The following ST7L variants were observed in gnomAD, a reference collection of about 807,000 sequenced individuals.
ST7L encodes suppression of tumorigenicity 7 like, also known as suppressor of tumorigenicity 7 protein-like.
In ST7L, 57 loss-of-function variants were observed where a neutral mutation model predicts 72.5. That is an observed-to-expected ratio of 0.79 (90% CI 0.64 to 0.98). The LOEUF (loss-of-function observed/expected upper bound fraction) is 0.98. Among genes scored for constraint, ST7L ranks in the 50% least tolerant of loss-of-function variants. The pLI, the probability that ST7L is intolerant of heterozygous loss-of-function variation, is 0.00. For synonymous variants in ST7L, 221 were observed against 240.9 expected (o/e 0.92, Z 0.77); for missense variants, 576 against 672.2 (o/e 0.86, Z 1.58).
downstream of ST7L, among the ~76,000 whole-genome samples, chr1:112,519,267 GTATAT>G (rs1320459660): frequency 6.6e-6 from 1 of 152,154 alleles, no homozygotes; most frequent in Non-Finnish European, 1.5e-5. Context: ...ATATGAATAT[GTATAT>G]TATAAAACGT....
intron 2 of ST7L, among the ~76,000 whole-genome samples, chr1:112,612,586 G>A (rs1558062103): frequency 6.6e-6 from 1 of 151,996 alleles, no homozygotes; most frequent in East Asian, 1.9e-4. Flanking sequence ...AACGTTTATA[G>A]GAAAGTGTGA....
intron 11 of ST7L, among the ~76,000 whole-genome samples, chr1:112,556,745 A>G (rs949924977): frequency 6.6e-6 from 1 of 152,064 alleles, no homozygotes; most frequent in Non-Finnish European, 1.5e-5. Flanking sequence ...TGAGAGGCCA[A>G]AATCGTGAGG....
At chr1:112,618,776 G>A (rs1670363898) in intron 1 of ST7L, 133 bp downstream of exon 1, 1 of 1,444,506 alleles carries the variant, frequency 6.9e-7, no homozygotes, top group Non-Finnish European at 9.1e-7. Context: ...AAAAGAAAAA[G>A]AACTCACTTG....
chr1:112,598,635 G>A (rs1224622357), intron 4 of ST7L, among the ~76,000 whole-genome samples: 3 of 151,408 alleles, frequency 2.0e-5, no homozygotes, highest in Non-Finnish European at 4.4e-5. Flanking sequence ...ATTAAGGATT[G>A]GGAATTGAGA....
intron 11 of ST7L, among the ~76,000 whole-genome samples, chr1:112,568,675 T>C (rs1571071713): frequency 6.8e-6 from 1 of 147,690 alleles, no homozygotes; most frequent in African/African-American, 2.5e-5. Flanking sequence ...AAAAGATAAA[T>C]AGAATACCTT....
intron 3 of ST7L, 48 bp downstream of exon 3, chr1:112,610,793 C>T (rs1487006664): frequency 6.3e-7 from 1 of 1,592,992 alleles, no homozygotes; most frequent in Non-Finnish European, 8.5e-7. Context: ...CAGAGCCAAA[C>T]TCAATCTTAA....
Position 112,574,589 on chromosome 1 carries a change from G to T in ST7L, c.1245+2397C>A, listed in dbSNP as rs569478970. On this transcript the variant is annotated intron_variant, in intron 11 of 14. Transcript: ENST00000358039. ...CAGGAGAATGGCATAAACCCGGGAG[G>T]CAGAGCTTGCAGTGAGCCTAGATCA... is the stretch of plus-strand genomic sequence containing the variant. Among the ~76,000 whole-genome samples the T allele has an allele frequency of 2.6e-3, 400 of 151,378 alleles. 1 individual carries two copies. The highest frequency in any genetic ancestry group is 4.0e-3 in the Non-Finnish European group (274 of 67,848).
In ST7L at chr1:112,619,088, T is replaced by A; in HGVS notation, c.26A>T (p.Glu9Val). The change falls in exon 1 of 15, where the codon GAA (glutamate) becomes GTA (valine). Residue 9 changes from glutamate to valine, a missense_variant. Transcript: ENST00000358039. MADRGGVG[E>V]AAAVGASPAS... is the part of the protein sequence containing the mutation. ...AGGAGACGCTCCAACAGCTGCGGCT[T>A]CACCCACGCCGCCACGGTCCGCCAT... 6.2e-7 allele frequency: 1 copy of A among 1,613,342 alleles called. No homozygotes were observed. Among genetic ancestry groups the A allele is most frequent in the Non-Finnish European group, 8.5e-7 (1 of 1,179,892 alleles).
intron 11 of ST7L, among the ~76,000 whole-genome samples, chr1:112,566,413 T>A (rs1661059283): frequency 6.7e-6 from 1 of 148,728 alleles, no homozygotes; most frequent in Non-Finnish European, 1.5e-5. Flanking sequence ...TTCTCCTGCC[T>A]CAGCCTCCCA....
At chr1:112,558,287 G>A (rs1484652296) in intron 11 of ST7L, among the ~76,000 whole-genome samples, 2 of 152,196 alleles carry the variant, frequency 1.3e-5, no homozygotes, top group South Asian at 2.1e-4. Context: ...AGTTCCTCAG[G>A]TTGTTATACA....
chr1:112,583,906 T>C, intron 7 of ST7L, 66 bp downstream of exon 7: 1 of 1,523,358 alleles, frequency 6.6e-7, no homozygotes, highest in South Asian at 1.3e-5. Flanking sequence ...TTATTGTTGT[T>C]TGTGTTAAGA....
intron 5 of ST7L, among the ~76,000 whole-genome samples, chr1:112,592,316 T>C (rs1195149530): frequency 1.3e-5 from 2 of 152,066 alleles, no homozygotes; most frequent in Non-Finnish European, 2.9e-5. Context: ...ATAAGAAAAA[T>C]AGAGAACCTA....
intron 2 of ST7L, among the ~76,000 whole-genome samples, chr1:112,615,947 G>A (rs1429356683): frequency 6.6e-6 from 1 of 152,076 alleles, no homozygotes; most frequent in Non-Finnish European, 1.5e-5. Context: ...ATGTTGGCCA[G>A]GCTGTTCTTG....
At chr1:112,568,861 AATATATATAT>A (rs377429784) in intron 11 of ST7L, among the ~76,000 whole-genome samples, 7 of 114,888 alleles carry the variant, frequency 6.1e-5, no homozygotes, top group Middle Eastern at 3.9e-3. Flanking sequence ...TATAAATATA[AATATATATAT>A]ATATATATAT....
intron 11 of ST7L, among the ~76,000 whole-genome samples, chr1:112,562,524 T>C (rs1163130552): frequency 1.3e-5 from 2 of 151,792 alleles, no homozygotes; most frequent in African/African-American, 4.8e-5. Flanking sequence ...TTGGGAAAAC[T>C]AGAAAAAACT....
chr1:112,550,733 T>C, intron 12 of ST7L, 40 bp from the exon 13 acceptor site: 1 of 1,491,334 alleles, frequency 6.7e-7, no homozygotes, highest in Non-Finnish European at 9.3e-7. Flanking sequence ...CAATTCTGTC[T>C]CATTTACCAT....
In ST7L at chr1:112,538,764, T is replaced by A. The variant is rs527866548; in HGVS notation, c.1629+3187A>T. Among the ~76,000 whole-genome samples, 23 of 152,256 alleles carry A rather than the reference T, an allele frequency of 1.5e-4. No individual in the cohort carries two copies. In the East Asian group the frequency reaches 4.4e-3, roughly 29 times the overall value. On this transcript the variant is annotated intron_variant, in intron 14 of 14. Coordinates refer to ENST00000358039, the MANE Select transcript of ST7L (RefSeq NM_017744.5). Reference sequence around the variant, plus strand: ...TCCTTTAAACAAGAAGGGGGTAGGGTTTCCCACTATTGCACTTTGGTGATG... The same window carrying A: ...TCCTTTAAACAAGAAGGGGGTAGGGATTCCCACTATTGCACTTTGGTGATG...
chr1:112,592,958 A>AG (rs1665918607), intron 5 of ST7L, among the ~76,000 whole-genome samples: 1 of 152,134 alleles, frequency 6.6e-6, no homozygotes, highest in Non-Finnish European at 1.5e-5. Context: ...AGAAAAAAAA[A>AG]GACTCCAGAT....
chr1:112,599,054 A>G (rs1196540417), intron 4 of ST7L, among the ~76,000 whole-genome samples: 1 of 54,124 alleles, frequency 1.8e-5, no homozygotes, highest in Non-Finnish European at 3.8e-5. Context: ...AGAGAGACTC[A>G]GCCTCAAAAA....
Sources: allele counts gnomAD v4.1 joint callset (sites outside exome capture counted in the v4.1 genomes callset), GRCh38; gene constraint gnomAD v4.1.1; transcripts MANE v1.5; gene names NCBI Gene and HGNC (gene_info 2026-07-23, HGNC 2026-07-21).